DCC: variants seen among roughly 807,000 people sequenced by gnomAD.
The protein encoded by DCC is DCC netrin 1 receptor, also known as netrin receptor DCC.
A neutral mutation model predicts 172.5 loss-of-function variants in DCC; 58 were observed. That is an observed-to-expected ratio of 0.34 (90% confidence interval 0.27 to 0.42). The LOEUF is 0.42. Ranked by LOEUF, DCC falls within the 10% of genes least tolerant of loss-of-function variation. The probability of loss-of-function intolerance (pLI) is 1.00; values close to 1 mark genes in which losing one functional copy is unlikely to be tolerated. For synonymous variants in DCC, 709 were observed against 644.5 expected (o/e 1.10, Z -1.52); for missense variants, 1,740 against 1,791.0 (o/e 0.97, Z 0.51).
chr18:52,837,957 A>G (rs1028422226), intron 2 of DCC, among the ~76,000 whole-genome samples: 1 of 152,146 alleles, frequency 6.6e-6, no homozygotes, highest in Non-Finnish European at 1.5e-5. Flanking sequence ...AAGGAAAAAA[A>G]TGAATGCCCA....
At chr18:52,637,269 C>G (rs1221221659) in intron 1 of DCC, among the ~76,000 whole-genome samples, 1 of 152,108 alleles carries the variant, frequency 6.6e-6, no homozygotes, top group East Asian at 1.9e-4. Flanking sequence ...CTCTTCTACA[C>G]CACCAAAAAA....
Position 53,188,197 on chromosome 18 carries a change from T to A in DCC, c.1573+9081T>A, listed in dbSNP as rs555060773. 9.9e-5 allele frequency among the ~76,000 whole-genome samples: 15 copies of A among 152,274 alleles called. No individual in the cohort carries two copies. The South Asian group carries it at 3.1e-3, about 32-fold the overall frequency. On this transcript the variant is annotated intron_variant, in intron 9 of 28. Coordinates refer to ENST00000442544, the MANE Select transcript of DCC (RefSeq NM_005215.4). ...CATTGAAATGTGCAACCAATAAACC[T>A]GGGGACCAGAGCTTTTAAGGCTAGC...
chr18:53,308,335 C>T (rs1458055838), intron 13 of DCC, among the ~76,000 whole-genome samples: 1 of 151,874 alleles, frequency 6.6e-6, no homozygotes, highest in Admixed American at 6.6e-5. Flanking sequence ...TTAAAAAAAG[C>T]ATTCACATAA....
At position 53,223,254 on chromosome 18, in the gene DCC, A is replaced by G. The variant is rs187955194; in HGVS notation, c.1911+7657A>G. On this transcript the variant is annotated intron_variant, in intron 12 of 28. Transcript: ENST00000442544. ...TTCTGTTGTGTTTTGAGAATGTTAT[A>G]TTTTTGTCTTTTCCAATTTATTGCA... 2.5e-3 allele frequency among the ~76,000 whole-genome samples: 382 copies of G among 152,220 alleles called. 2 individuals are homozygous for G. The highest frequency in any genetic ancestry group is 3.4e-3 in the Middle Eastern group (1 of 294).
At chr18:52,493,947 C>T (rs2030631179) in intron 1 of DCC, among the ~76,000 whole-genome samples, 2 of 152,132 alleles carry the variant, frequency 1.3e-5, no homozygotes, top group East Asian at 1.9e-4. Context: ...TGTTTCTCAT[C>T]ATTCCATCTG....
intron 1 of DCC, among the ~76,000 whole-genome samples, chr18:52,675,217 C>A (rs1232653948): frequency 2.0e-5 from 3 of 152,104 alleles, no homozygotes; most frequent in Admixed American, 2.0e-4. Context: ...TGCCACCACA[C>A]CTGGCTAATT....
chr18:52,921,404 A>C (rs1019444786), intron 3 of DCC, among the ~76,000 whole-genome samples: 1 of 124,274 alleles, frequency 8.0e-6, no homozygotes, highest in Non-Finnish European at 1.8e-5. Flanking sequence ...AAATAGTTTG[A>C]GTGGAAAACC....
intron 1 of DCC, among the ~76,000 whole-genome samples, chr18:52,580,683 T>A (rs543231807): frequency 9.2e-5 from 14 of 152,282 alleles, no homozygotes; most frequent in African/African-American, 3.4e-4. Context: ...CAACACTGAG[T>A]TGGGATGCGC....
chr18:52,817,504 AATT>A (rs1023861421), intron 2 of DCC, among the ~76,000 whole-genome samples: 19 of 152,100 alleles, frequency 1.2e-4, no homozygotes, highest in African/African-American at 4.1e-4. Context: ...TCATATTTTA[AATT>A]ATTAGGTACA....
At chr18:52,785,955 C>A (rs1016606101) in intron 2 of DCC, among the ~76,000 whole-genome samples, 4 of 152,000 alleles carry the variant, frequency 2.6e-5, no homozygotes, top group African/African-American at 9.7e-5. Context: ...AAACTATTAT[C>A]CCTGCTATAA....
At chr18:53,109,112 A>T (rs886961525) in intron 7 of DCC, among the ~76,000 whole-genome samples, 4 of 151,422 alleles carry the variant, frequency 2.6e-5, no homozygotes, top group Non-Finnish European at 4.4e-5. Context: ...ATAGAATCTC[A>T]TTGTAGCTTT....
chr18:53,194,163 G>A (rs116401856), intron 9 of DCC, among the ~76,000 whole-genome samples: 3,283 of 152,208 alleles, frequency 0.022, 117 homozygotes, highest in African/African-American at 0.074. Context: ...TGAGATTTTT[G>A]CATGCAGAAA....
At chr18:53,038,806 A>G (rs1031275471) in intron 5 of DCC, among the ~76,000 whole-genome samples, 5 of 152,044 alleles carry the variant, frequency 3.3e-5, no homozygotes, top group African/African-American at 1.2e-4. Context: ...TAATACCATT[A>G]GAGTAGTATT....
At chr18:52,814,936 C>T (rs191023355) in intron 2 of DCC, among the ~76,000 whole-genome samples, 177 of 152,182 alleles carry the variant, frequency 1.2e-3, no homozygotes, top group Non-Finnish European at 2.3e-3. Flanking sequence ...GGCTATATTT[C>T]TGAGTTGCTT....
chr18:52,536,157 A>C (rs1270508367), intron 1 of DCC, among the ~76,000 whole-genome samples: 1 of 152,138 alleles, frequency 6.6e-6, no homozygotes, highest in African/African-American at 2.4e-5. Context: ...CGGGAGGAAC[A>C]GTGATATGTG....
intron 1 of DCC, among the ~76,000 whole-genome samples, chr18:52,369,386 C>T (rs947417471): frequency 1.1e-4 from 16 of 152,046 alleles, no homozygotes; most frequent in Non-Finnish European, 5.9e-5. Context: ...TTTACAAACA[C>T]CTGACCATCA....
chr18:53,501,660 G>GCTTGCAAGTAAAAACTTTA (rs2046100877), intron 27 of DCC, among the ~76,000 whole-genome samples: 2 of 152,086 alleles, frequency 1.3e-5, no homozygotes, highest in South Asian at 4.2e-4. Context: ...TGTTCTCTCG[G>GCTTGCAAGTAAAAACTTTA]CTTGCAAGTA....
intron 5 of DCC, among the ~76,000 whole-genome samples, chr18:53,041,989 C>A (rs1458628617): frequency 3.3e-5 from 5 of 151,888 alleles, no homozygotes; most frequent in African/African-American, 1.2e-4. Flanking sequence ...ACTTATATAC[C>A]CTTTATTTCT....
chr18:52,916,605 C>T (rs1031463519), intron 3 of DCC, among the ~76,000 whole-genome samples: 2 of 152,134 alleles, frequency 1.3e-5, no homozygotes, highest in Non-Finnish European at 2.9e-5. Context: ...ATTCAAAATA[C>T]CAGCTAGATC....
Sources: allele counts gnomAD v4.1 joint callset (sites outside exome capture counted in the v4.1 genomes callset), GRCh38; gene constraint gnomAD v4.1.1; transcripts MANE v1.5; gene names NCBI Gene and HGNC (gene_info 2026-07-23, HGNC 2026-07-21).